FBXO34: variants seen among roughly 807,000 people sequenced by gnomAD.
The protein encoded by FBXO34 is F-box protein 34.
In FBXO34, 12 loss-of-function variants were observed where a neutral mutation model predicts 24.5. That is an observed-to-expected ratio of 0.49 (90% CI 0.31 to 0.79). The LOEUF (loss-of-function observed/expected upper bound fraction) is 0.79, where lower values mean the gene tolerates loss of function less well. Among genes scored for constraint, FBXO34 ranks in the 30% least tolerant of loss-of-function variants. The pLI is 0.04. For synonymous variants in FBXO34, 320 were observed against 311.9 expected, an observed-to-expected ratio of 1.03 and a Z score of -0.27; for missense variants, 823 against 857.7, an observed-to-expected ratio of 0.96 and a Z score of 0.51.
the FBXO34 span, among the ~76,000 whole-genome samples, chr14:55,425,739 A>G: frequency 8.5e-5 from 13 of 152,310 alleles, no homozygotes; most frequent in African/African-American, 3.1e-4. Flanking sequence ...ACCCCCAATT[A>G]CATTAAAGAC....
rs529038653 is a variant in FBXO34 at position 55,310,762 on chromosome 14, A to AT, written c.-11+39226dup. On this transcript the variant is annotated intron_variant, in intron 1 of 1. Coordinates refer to ENST00000313833, the MANE Select transcript of FBXO34 (RefSeq NM_017943.4). ...CATGTGTATCTGCCTTGGCTGGACT[A>AT]TATCTATTTGCAGATTGCCTCAATT... Among the ~76,000 whole-genome samples the AT allele has an allele frequency of 1.7e-3, 264 of 152,314 alleles. 1 individual carries two copies. The highest frequency in any genetic ancestry group is 6.2e-3 in the African/African-American group (257 of 41,580).
At chr14:55,298,457 A>G (rs1882217251) in intron 1 of FBXO34, among the ~76,000 whole-genome samples, 1 of 152,280 alleles carries the variant, frequency 6.6e-6, no homozygotes, top group South Asian at 2.1e-4. Context: ...ACTACTTTTT[A>G]AAATGGAAAC....
At chr14:55,368,706 A>G (rs964441331), downstream of FBXO34, 2 of 152,202 alleles carry the variant, frequency 1.3e-5, no homozygotes, top group Admixed American at 6.5e-5. Context: ...GAAAGTGGAC[A>G]CCACAAGAAT....
the FBXO34 span, among the ~76,000 whole-genome samples, chr14:55,410,756 G>A: frequency 6.6e-6 from 1 of 152,162 alleles, no homozygotes; most frequent in South Asian, 2.1e-4. Flanking sequence ...TAAGTCATTC[G>A]GTTGTTGCGA....
chr14:55,395,984 T>C, the FBXO34 span: 1 of 1,583,762 alleles, frequency 6.3e-7, no homozygotes, highest in African/African-American at 1.4e-5. Flanking sequence ...TTTAACACTC[T>C]GTGAGGAAAA....
rs1398933665 is a variant in FBXO34 at position 55,351,085 on chromosome 14, C to T, written c.695C>T (p.Ser232Leu). The T allele has an allele frequency of 3.9e-5, 63 of 1,614,104 alleles. No homozygotes were observed. The highest frequency in any genetic ancestry group is 4.8e-5 in the Non-Finnish European group (57 of 1,180,054). The change falls in exon 2 of 2, where the codon TCA (serine) becomes TTA (leucine). Residue 232 changes from serine to leucine, a missense_variant. By Grantham distance (145) the Ser-to-Leu change is moderately radical. Coordinates refer to ENST00000313833, the MANE Select transcript of FBXO34 (RefSeq NM_017943.4). Reference sequence around the variant, plus strand: ...AGCTGTTCAAAAAACTGCACAAACTCACCTGCAATTGTGAGGTTTTCTGGC... The same window carrying T: ...AGCTGTTCAAAAAACTGCACAAACTTACCTGCAATTGTGAGGTTTTCTGGC... ...LASCSKNCTN[S>L]PAIVRFSGQS...
At chr14:55,291,569 A>C (rs907498553) in intron 1 of FBXO34, among the ~76,000 whole-genome samples, 1 of 152,114 alleles carries the variant, frequency 6.6e-6, no homozygotes, top group Non-Finnish European at 1.5e-5. Context: ...GGCTGGGCAT[A>C]GTGGCTTATG....
the FBXO34 span, among the ~76,000 whole-genome samples, chr14:55,375,457 G>A: frequency 6.6e-6 from 1 of 150,734 alleles, no homozygotes; most frequent in Non-Finnish European, 1.5e-5. Flanking sequence ...ACAGCAGCTG[G>A]GACTACAGGC....
At chr14:55,323,229 T>TA (rs1301575819) in intron 1 of FBXO34, among the ~76,000 whole-genome samples, 9,823 of 68,504 alleles carry the variant, frequency 0.14, 1,883 homozygotes, top group Non-Finnish European at 0.17. Flanking sequence ...ATATATATTT[T>TA]TTTTTTTTTT....
chr14:55,407,924 A>G, the FBXO34 span, among the ~76,000 whole-genome samples: 1 of 152,116 alleles, frequency 6.6e-6, no homozygotes, highest in Non-Finnish European at 1.5e-5. Context: ...GGCAGAAGAA[A>G]CGGCAAGGAA....
chr14:55,440,584 C>A, the FBXO34 span: 1 of 1,549,920 alleles, frequency 6.5e-7, no homozygotes, highest in Non-Finnish European at 8.7e-7. Flanking sequence ...CGGCCCTCGG[C>A]CCAGGTTCCT....
chr14:55,350,318 A>C lies in FBXO34; in HGVS notation c.-10-63A>C, dbSNP rs879235736. On this transcript the variant is annotated intron_variant, in intron 1 of 1. Coordinates refer to ENST00000313833, the MANE Select transcript of FBXO34 (RefSeq NM_017943.4). ...CTAAGAACCATCTGAGCTTAAATTT[A>C]AAAACATTTTTTTCTAAAAACAAAA... 2.3e-6 allele frequency: 3 copies of C among 1,280,288 alleles called. No homozygotes were observed. The African/African-American group carries it at 4.5e-5, about 19-fold the overall frequency. 79.3% of individuals were successfully genotyped at this position (1,280,288 alleles called of 1,614,324 possible).
At chr14:55,404,953 G>A in the FBXO34 span, among the ~76,000 whole-genome samples, 1 of 152,118 alleles carries the variant, frequency 6.6e-6, no homozygotes, top group African/African-American at 2.4e-5. Context: ...GATAGTAAAT[G>A]CAAAAACCTT....
chr14:55,409,183 T>G, the FBXO34 span, among the ~76,000 whole-genome samples: 4 of 152,230 alleles, frequency 2.6e-5, no homozygotes, highest in African/African-American at 9.6e-5. Flanking sequence ...GAGTTTTGGA[T>G]GCAGAGAGGA....
chr14:55,358,649 G>A (rs1442213091), intron 3 of FBXO34, among the ~76,000 whole-genome samples: 1 of 152,238 alleles, frequency 6.6e-6, no homozygotes, highest in Non-Finnish European at 1.5e-5. Context: ...GCGCAGGGCA[G>A]GAAGGCCAAA....
At chr14:55,296,517 C>G (rs1344153692) in intron 1 of FBXO34, among the ~76,000 whole-genome samples, 1 of 150,244 alleles carries the variant, frequency 6.7e-6, no homozygotes, top group African/African-American at 2.4e-5. Context: ...GCATCAGCCT[C>G]CCGAGTAGCT....
intron 1 of FBXO34, among the ~76,000 whole-genome samples, chr14:55,331,422 A>G (rs1339691589): frequency 6.6e-6 from 1 of 151,672 alleles, no homozygotes; most frequent in Non-Finnish European, 1.5e-5. Context: ...TCTTCAGTAT[A>G]GATGTAATTT....
At chr14:55,295,687 C>T (rs538025609) in intron 1 of FBXO34, among the ~76,000 whole-genome samples, 2 of 152,236 alleles carry the variant, frequency 1.3e-5, no homozygotes, top group South Asian at 2.1e-4. Flanking sequence ...TGAGCCACTG[C>T]GCCCAGCTGA....
At chr14:55,427,961 C>T in the FBXO34 span, among the ~76,000 whole-genome samples, 4 of 117,902 alleles carry the variant, frequency 3.4e-5, no homozygotes, top group Non-Finnish European at 5.9e-5. Flanking sequence ...CTGCAAGCTC[C>T]GTCTCCCGGG....
Sources: allele counts gnomAD v4.1 joint callset (sites outside exome capture counted in the v4.1 genomes callset), GRCh38; gene constraint gnomAD v4.1.1; transcripts MANE v1.5; gene names NCBI Gene and HGNC (gene_info 2026-07-23, HGNC 2026-07-21).